The following ROBO2 variants were observed in gnomAD, a reference collection of about 807,000 sequenced individuals.
The protein encoded by ROBO2 is roundabout homolog 2.
ROBO2 carries 53 observed loss-of-function variants against 160.8 expected under a neutral mutation model. The ratio of observed to expected loss-of-function variants is 0.33; its 90% CI spans 0.26 to 0.41. ROBO2 has a LOEUF of 0.41. Ranked by LOEUF, ROBO2 falls within the 10% of genes least tolerant of loss-of-function variation. The probability of loss-of-function intolerance (pLI) is 1.00; values close to 1 mark genes in which losing one functional copy is unlikely to be tolerated. For synonymous variants in ROBO2, 664 were observed against 611.7 expected (o/e 1.09, Z -1.26); for missense variants, 1,577 against 1,722.4 (o/e 0.92, Z 1.49).
intron 2 of ROBO2, among the ~76,000 whole-genome samples, chr3:77,246,976 A>T (rs1343185123): frequency 6.6e-6 from 1 of 152,170 alleles, no homozygotes; most frequent in Non-Finnish European, 1.5e-5. Flanking sequence ...AAAGTAGAAC[A>T]GGGGTGGGGT....
intron 2 of ROBO2, among the ~76,000 whole-genome samples, chr3:76,227,669 A>G (rs1704371163): frequency 6.6e-6 from 1 of 152,190 alleles, no homozygotes; most frequent in African/African-American, 2.4e-5. Context: ...CCAAGGATAA[A>G]AAGAATCTCT....
intron 2 of ROBO2, among the ~76,000 whole-genome samples, chr3:75,974,344 C>T (rs946535810): frequency 6.6e-6 from 1 of 151,560 alleles, no homozygotes; most frequent in African/African-American, 2.4e-5. Context: ...CAGAGGCACT[C>T]AGTTACAAAA....
intron 2 of ROBO2, among the ~76,000 whole-genome samples, chr3:76,903,294 A>C (rs1188783584): frequency 1.3e-5 from 2 of 152,032 alleles, no homozygotes; most frequent in Non-Finnish European, 2.9e-5. Context: ...GGTTTGACAA[A>C]ATTATTAAGA....
chr3:76,992,666 C>A (rs1221021873), intron 2 of ROBO2, among the ~76,000 whole-genome samples: 2 of 151,776 alleles, frequency 1.3e-5, no homozygotes, highest in Non-Finnish European at 2.9e-5. Flanking sequence ...TATGAAGGGC[C>A]TGATGTCCCT....
At chr3:77,306,774 A>G (rs760371151) in intron 2 of ROBO2, among the ~76,000 whole-genome samples, 20 of 152,330 alleles carry the variant, frequency 1.3e-4, no homozygotes, top group Non-Finnish European at 2.4e-4. Flanking sequence ...TAGTAAATAA[A>G]TCAGAGGAAT....
At chr3:77,239,890 A>G (rs1006716331) in intron 2 of ROBO2, among the ~76,000 whole-genome samples, 4 of 152,224 alleles carry the variant, frequency 2.6e-5, no homozygotes, top group African/African-American at 9.6e-5. Flanking sequence ...TCACCAGATT[A>G]GCTAGATACG....
intron 2 of ROBO2, among the ~76,000 whole-genome samples, chr3:76,152,293 GA>G (rs1402002235): frequency 6.6e-6 from 1 of 152,036 alleles, no homozygotes; most frequent in African/African-American, 2.4e-5. Context: ...AATTTAGGGG[GA>G]AAATGCTATT....
At chr3:76,272,499 C>T (rs1707497125) in intron 2 of ROBO2, among the ~76,000 whole-genome samples, 1 of 150,738 alleles carries the variant, frequency 6.6e-6, no homozygotes, top group Admixed American at 6.7e-5. Context: ...CCCGTTTCTA[C>T]TAAAAATACA....
In ROBO2 at chr3:77,294,738, G is replaced by A. The variant is rs564757531; in HGVS notation, c.389-182676G>A. 2.2e-4 allele frequency among the ~76,000 whole-genome samples: 32 copies of A among 147,020 alleles called. 1 individual carries two copies. The highest frequency in any genetic ancestry group is 3.3e-4 in the Admixed American group (5 of 14,952). ...CATGAAGTAAAATTGATGGTTAAAC[G>A]GGTAAGCTGAGGCTAGATCACCCCA... On this transcript the variant is annotated intron_variant, in intron 2 of 25. Transcript: ENST00000461745.
chr3:76,341,102 A>G (rs2074195395), intron 2 of ROBO2, among the ~76,000 whole-genome samples: 4 of 152,126 alleles, frequency 2.6e-5, no homozygotes, highest in Admixed American at 2.6e-4. Flanking sequence ...CTTCAATTAA[A>G]CAAATTATTT....
intron 16 of ROBO2, among the ~76,000 whole-genome samples, chr3:77,583,683 C>T (rs1311973999): frequency 6.6e-6 from 1 of 152,040 alleles, no homozygotes; most frequent in Non-Finnish European, 1.5e-5. Context: ...TTTCTGCTGA[C>T]CTTGGGTTAT....
rs2063229742 is a variant in ROBO2, at chr3:76,789,766, A to T, written c.110-308248A>T. ...TCCAATTTAGAGGACAGCAAATTTG[A>T]TTTAAGAAATAGAACGTCAAGAAAA... On this transcript the variant is annotated intron_variant, in intron 2 of 26. Transcript: ENST00000487694. Among the ~76,000 whole-genome samples, 4 of 151,764 alleles carry T rather than the reference A, an allele frequency of 2.6e-5. No individual in the cohort carries two copies. In the South Asian group the frequency reaches 8.3e-4, roughly 31 times the overall value.
intron 2 of ROBO2, among the ~76,000 whole-genome samples, chr3:76,655,752 GGAAGGAAGGAAGGAAA>G (rs376737631): frequency 0.021 from 3,110 of 148,992 alleles, 102 homozygotes; most frequent in African/African-American, 0.07. Flanking sequence ...GAGGAAAGAA[GGAAGGAAGGAAGGAAA>G]GAAGGAAGGA....
Position 76,682,360 on chromosome 3 carries a change from A to G in ROBO2, c.110-415654A>G, listed in dbSNP as rs532482749. 7.9e-5 allele frequency among the ~76,000 whole-genome samples: 12 copies of G among 152,250 alleles called. No homozygotes were observed. The East Asian group carries it at 2.3e-3, about 29-fold the overall frequency. ...GTGGAAGATAATTCGTGGAAAGTCTATACTTTCCACTAATTTTGCTGTGAA... is the reference window on the plus strand; with the variant it reads ...GTGGAAGATAATTCGTGGAAAGTCTGTACTTTCCACTAATTTTGCTGTGAA... On this transcript the variant is annotated intron_variant, in intron 2 of 26. Coordinates refer to the ROBO2 transcript ENST00000487694.
chr3:76,210,508 A>G (rs1004450429), intron 2 of ROBO2, among the ~76,000 whole-genome samples: 1 of 152,076 alleles, frequency 6.6e-6, no homozygotes, highest in Non-Finnish European at 1.5e-5. Flanking sequence ...GCCTTTGATT[A>G]TTAAGTGTAA....
At chr3:76,141,078 A>ATATATATATAT (rs1559585714) in intron 2 of ROBO2, among the ~76,000 whole-genome samples, 1 of 17,516 alleles carries the variant, frequency 5.7e-5, no homozygotes, top group African/African-American at 1.6e-4. Context: ...TATATATATA[A>ATATATATATAT]AATATATGTG....
intron 2 of ROBO2, among the ~76,000 whole-genome samples, chr3:77,449,950 C>T (rs2080954324): frequency 1.3e-5 from 2 of 151,872 alleles, no homozygotes; most frequent in African/African-American, 4.8e-5. Context: ...AATAAATCTG[C>T]CATCTGCCTG....
chr3:77,342,851 T>A (rs911207878), intron 2 of ROBO2, among the ~76,000 whole-genome samples: 8 of 152,174 alleles, frequency 5.3e-5, no homozygotes, highest in African/African-American at 1.9e-4. Context: ...TGGTTTAAAG[T>A]GCTGTATTAG....
rs150893340 is a variant in ROBO2, at chr3:77,148,729, G to A, written c.388+50389G>A. Among the ~76,000 whole-genome samples, 386 of 152,186 alleles carry A rather than the reference G, an allele frequency of 2.5e-3. 1 individual carries two copies. The highest frequency in any genetic ancestry group is 8.7e-3 in the African/African-American group (363 of 41,532). ...AACACCATTATGTCAAGCAAATACC[G>A]CTAAATATGAAACAAAATATTGACT... On this transcript the variant is annotated intron_variant, in intron 2 of 25. Transcript: ENST00000461745.
Sources: gnomAD v4.1 joint callset for allele counts (sites outside exome capture counted in the v4.1 genomes callset) on GRCh38, gnomAD v4.1.1 for gene constraint, MANE v1.5 for transcripts, NCBI Gene and HGNC (gene_info 2026-07-23, HGNC 2026-07-21) for gene names.